TENM4: variants seen among roughly 807,000 people sequenced by gnomAD.
TENM4 encodes the protein teneurin-4.
In TENM4, 82 loss-of-function variants were observed where a neutral mutation model predicts 243.3. The observed-to-expected ratio is 0.34, with a 90% CI of 0.28 to 0.40. TENM4 has a LOEUF of 0.40. TENM4 is among the 10% of genes least tolerant of loss of function. The probability of loss-of-function intolerance (pLI) is 1.00; values close to 1 mark genes in which losing one functional copy is unlikely to be tolerated. For synonymous variants in TENM4, 1,412 were observed against 1,456.3 expected (o/e 0.97, Z 0.69); for missense variants, 3,138 against 3,673.3 (o/e 0.85, Z 3.77).
At chr11:79,287,203 T>C (rs550331978) in intron 2 of TENM4, among the ~76,000 whole-genome samples, 2 of 152,312 alleles carry the variant, frequency 1.3e-5, no homozygotes, top group South Asian at 2.1e-4. Flanking sequence ...GTTCTCGTTT[T>C]ATAAAACCAG....
At chr11:79,348,150 C>A (rs998055465) in intron 1 of TENM4, among the ~76,000 whole-genome samples, 1 of 152,134 alleles carries the variant, frequency 6.6e-6, no homozygotes, top group Non-Finnish European at 1.5e-5. Flanking sequence ...ATTTTTTGAG[C>A]CTTTTGTGCC....
chr11:78,720,709 C>T (rs1237560445), intron 24 of TENM4, among the ~76,000 whole-genome samples: 1 of 152,166 alleles, frequency 6.6e-6, no homozygotes, highest in Non-Finnish European at 1.5e-5. Context: ...ATAGTGGATT[C>T]TCTCCTCTGT....
At chr11:79,222,298 T>C (rs1490791639) in intron 2 of TENM4, among the ~76,000 whole-genome samples, 2 of 152,224 alleles carry the variant, frequency 1.3e-5, no homozygotes, top group Admixed American at 1.3e-4. Context: ...GATAATGGCT[T>C]CCAGCTCCAT....
intron 1 of TENM4, among the ~76,000 whole-genome samples, chr11:79,325,138 G>A (rs1856953004): frequency 1.3e-5 from 2 of 152,212 alleles, no homozygotes; most frequent in African/African-American, 4.8e-5. Flanking sequence ...ATGTTTTAGG[G>A]AAAGGCTGGC....
chr11:78,699,385 T>C (rs1470164250), intron 28 of TENM4, among the ~76,000 whole-genome samples: 1 of 152,238 alleles, frequency 6.6e-6, no homozygotes, highest in Non-Finnish European at 1.5e-5. Flanking sequence ...GTTTCAGGCT[T>C]GTTATCTAAT....
At chr11:79,303,948 C>T (rs1358908158) in intron 1 of TENM4, among the ~76,000 whole-genome samples, 1 of 152,110 alleles carries the variant, frequency 6.6e-6, no homozygotes. Context: ...AAGATCTAAA[C>T]AGGAAACCAG....
intron 16 of TENM4, among the ~76,000 whole-genome samples, chr11:78,786,314 C>A (rs1232045464): frequency 6.6e-6 from 1 of 152,204 alleles, no homozygotes; most frequent in Non-Finnish European, 1.5e-5. Context: ...GCCTTAGGGC[C>A]TGTGGGGAGC....
At chr11:78,734,328 G>GC (rs894059989) in intron 20 of TENM4, among the ~76,000 whole-genome samples, 6 of 152,298 alleles carry the variant, frequency 3.9e-5, no homozygotes, top group African/African-American at 1.4e-4. Context: ...ATCTGACCTA[G>GC]CCCCCCTCCC....
At chr11:79,101,231 A>T (rs536210329) in intron 4 of TENM4, among the ~76,000 whole-genome samples, 42 of 152,372 alleles carry the variant, frequency 2.8e-4, no homozygotes, top group South Asian at 6.2e-4. Context: ...AATATAAAAA[A>T]TTTTCATAAA....
intron 6 of TENM4, among the ~76,000 whole-genome samples, chr11:78,933,187 C>G (rs1292480465): frequency 6.6e-6 from 1 of 152,060 alleles, no homozygotes; most frequent in Non-Finnish European, 1.5e-5. Context: ...CAGTGCTTCT[C>G]CCTGGGACAA....
At chr11:78,986,663 T>G (rs753933269) in intron 6 of TENM4, among the ~76,000 whole-genome samples, 3 of 151,978 alleles carry the variant, frequency 2.0e-5, no homozygotes, top group Non-Finnish European at 4.4e-5. Flanking sequence ...TCCCTCCACC[T>G]CCCGAGTTCA....
In TENM4 at chr11:79,267,636, T is replaced by C. The variant is rs181665956; in HGVS notation, c.-265+29852A>G. ...AAGAGGATAATCATCTTTACCTCCA[T>C]GGTATAGACTCTCTTAACCTATACA... On this transcript the variant is annotated intron_variant, in intron 2 of 33. Coordinates refer to ENST00000278550, the MANE Select transcript of TENM4 (RefSeq NM_001098816.3). 1.2e-4 allele frequency among the ~76,000 whole-genome samples: 19 copies of C among 152,302 alleles called. No homozygotes were observed. The East Asian group carries it at 1.7e-3, about 14-fold the overall frequency.
intron 6 of TENM4, among the ~76,000 whole-genome samples, chr11:79,050,819 C>T (rs1275516709): frequency 6.6e-6 from 1 of 152,166 alleles, no homozygotes; most frequent in Non-Finnish European, 1.5e-5. Context: ...GAGTTTCTTC[C>T]AGAAGAAGGA....
chr11:79,298,516 C>A (rs1227262159), intron 1 of TENM4, among the ~76,000 whole-genome samples: 1 of 118,206 alleles, frequency 8.5e-6, no homozygotes. Flanking sequence ...AGCAAGACTC[C>A]GTCTCAAAAA....
chr11:78,842,728 G>A (rs1258462287), intron 12 of TENM4, among the ~76,000 whole-genome samples: 1 of 152,206 alleles, frequency 6.6e-6, no homozygotes, highest in Non-Finnish European at 1.5e-5. Context: ...GTAGATATTA[G>A]GGTCAGACAG....
intron 12 of TENM4, among the ~76,000 whole-genome samples, chr11:78,836,194 C>CA (rs140459987): frequency 0.056 from 8,570 of 151,938 alleles, 720 homozygotes; most frequent in African/African-American, 0.19. Flanking sequence ...CCTGTTTCTA[C>CA]AAAAAATTAG....
chr11:79,204,556 C>A (rs1863810805), intron 3 of TENM4, among the ~76,000 whole-genome samples: 1 of 152,106 alleles, frequency 6.6e-6, no homozygotes, highest in Non-Finnish European at 1.5e-5. Context: ...CCATTTCATA[C>A]CCACTAGACT....
At chr11:78,892,543 G>C (rs950085142) in intron 7 of TENM4, among the ~76,000 whole-genome samples, 2 of 152,096 alleles carry the variant, frequency 1.3e-5, no homozygotes, top group African/African-American at 4.8e-5. Flanking sequence ...ATGTAAAAAG[G>C]GATTACAGTA....
chr11:78,668,955 T>C lies in TENM4; in HGVS notation c.7390A>G (p.Ile2464Val), dbSNP rs1858235565. The change falls in exon 32 of 34, where the codon ATC (isoleucine) becomes GTC (valine). Residue 2464 changes from isoleucine (I) to valine (V), a missense_variant. Ile to Val is a conservative substitution (Grantham distance 29, BLOSUM62 3). Around this residue, in one of 2 missense-constraint regions of TENM4, gnomAD observed 2,467 missense variants for 3,059.1 expected, o/e 0.81. Transcript: ENST00000278550. ...TCCTTACCTGTCATGAAGCACTTGA[T>C]GTCCTGGGAGTTGCTGATGGGGTTG... is the stretch of plus-strand genomic sequence containing the variant. ...NNNPISNSQD[I>V]KCFMTDVNSW... The C allele has an allele frequency of 6.2e-7, 1 of 1,613,188 alleles. No homozygotes were observed.
Sources: gnomAD v4.1 joint callset for allele counts (sites outside exome capture counted in the v4.1 genomes callset) on GRCh38, gnomAD v4.1.1 for gene constraint, gnomAD v4.1.1 regional missense constraint, MANE v1.5 for transcripts, NCBI Gene and HGNC (gene_info 2026-07-23, HGNC 2026-07-21) for gene names.